The following GPR39 variants were observed in gnomAD, a reference collection of about 807,000 sequenced individuals.
The protein encoded by GPR39 is G protein-coupled receptor 39, also known as zinc sensing receptor.
A neutral mutation model predicts 18.4 loss-of-function variants in GPR39; 23 were observed. The observed-to-expected ratio is 1.25, with a 90% confidence interval of 0.90 to 1.77. The LOEUF (loss-of-function observed/expected upper bound fraction) is 1.77, where lower values mean the gene tolerates loss of function less well. GPR39 is among the 40% of genes most tolerant of loss of function. The pLI is 0.00. For missense variants in GPR39, 647 were observed against 602.4 expected (o/e 1.07, Z -0.78); for synonymous variants, 280 against 257.9 (o/e 1.09, Z -0.82).
At chr2:132,622,394 A>AAAAAC (rs1257823784) in intron 1 of GPR39, among the ~76,000 whole-genome samples, 4 of 152,204 alleles carry the variant, frequency 2.6e-5, no homozygotes, top group South Asian at 2.1e-4. Context: ...ACTCCCTCTC[A>AAAAAC]AAAACAAAAC....
At chr2:132,520,338 A>G (rs1057271744) in intron 1 of GPR39, among the ~76,000 whole-genome samples, 2 of 152,196 alleles carry the variant, frequency 1.3e-5, no homozygotes, top group African/African-American at 2.4e-5. Context: ...CCATCTGCAT[A>G]ACACCTTGCC....
At chr2:132,449,536 C>T (rs559523934) in intron 1 of GPR39, among the ~76,000 whole-genome samples, 13 of 152,268 alleles carry the variant, frequency 8.5e-5, no homozygotes, top group African/African-American at 3.1e-4. Context: ...CATGAGCCAC[C>T]GTGCCTGGCC....
rs146579432 is a variant in GPR39, at chr2:132,502,710, C to T, written c.856+84812C>T. 8.8e-3 allele frequency among the ~76,000 whole-genome samples: 1,337 copies of T among 152,236 alleles called. 21 individuals are homozygous for T. Among genetic ancestry groups the T allele is most frequent in the African/African-American group, 0.031 (1,298 of 41,534 alleles). ...TTCTTCTTTGGGAACACCAATTATT[C>T]TTAGGTTTGGACATTTAACATAGTC... On this transcript the variant is annotated intron_variant, in intron 1 of 1. Coordinates refer to ENST00000329321, the MANE Select transcript of GPR39 (RefSeq NM_001508.3).
chr2:132,609,331 G>A (rs887669752), intron 1 of GPR39, among the ~76,000 whole-genome samples: 9 of 152,172 alleles, frequency 5.9e-5, no homozygotes, highest in African/African-American at 1.9e-4. Context: ...CTTGCTCCGT[G>A]CCAGGTATTG....
intron 1 of GPR39, among the ~76,000 whole-genome samples, chr2:132,462,041 A>G (rs1406866724): frequency 1.3e-5 from 2 of 152,160 alleles, no homozygotes; most frequent in African/African-American, 2.4e-5. Flanking sequence ...TTATAAATTC[A>G]TCTCCATGAC....
intron 1 of GPR39, among the ~76,000 whole-genome samples, chr2:132,524,896 T>C (rs1679482881): frequency 6.6e-6 from 1 of 152,196 alleles, no homozygotes. Flanking sequence ...TTCCCCTCCT[T>C]GAATTCACGC....
At chr2:132,445,035 A>G (rs1427961320) in intron 1 of GPR39, among the ~76,000 whole-genome samples, 1 of 152,176 alleles carries the variant, frequency 6.6e-6, no homozygotes. Context: ...CCGCCCATCC[A>G]TTCCCTTTAT....
chr2:132,599,285 A>T (rs555530195), intron 1 of GPR39, among the ~76,000 whole-genome samples: 5 of 152,212 alleles, frequency 3.3e-5, no homozygotes, highest in Admixed American at 3.3e-4. Context: ...TGTCTTTCAT[A>T]TTTCAAAGAT....
At position 132,417,915 on chromosome 2, in the gene GPR39, G is replaced by A. The variant is rs763559371; in HGVS notation, c.856+17G>A. 7.1e-6 allele frequency: 11 copies of A among 1,557,500 alleles called. No individual in the cohort carries two copies. The highest frequency in any genetic ancestry group is 9.5e-6 in the Non-Finnish European group (11 of 1,154,098). On this transcript the variant is annotated intron_variant, in intron 1 of 1. Coordinates refer to ENST00000329321, the MANE Select transcript of GPR39 (RefSeq NM_001508.3). ...TCTTCCTGAGTGAGTCCTAAGTCGG[G>A]GGCAACACGTGAGCAGCTTCCCAAC...
intron 1 of GPR39, among the ~76,000 whole-genome samples, chr2:132,546,544 A>G (rs1295174514): frequency 6.6e-6 from 1 of 152,132 alleles, no homozygotes; most frequent in Non-Finnish European, 1.5e-5. Context: ...TAAGTTGCCT[A>G]AGAGAAGGGG....
Position 132,596,445 on chromosome 2 carries a change from T to C in GPR39, c.857-48656T>C, listed in dbSNP as rs188989915. On this transcript the variant is annotated intron_variant, in intron 1 of 1. Transcript: ENST00000329321. ...TGGATCTATTCTGAGTTTACTTGCT[T>C]TCTCTTTGTTTTTGTGCCCTTATCT... Among the ~76,000 whole-genome samples, 538 of 152,232 alleles carry C rather than the reference T, an allele frequency of 3.5e-3. 4 individuals carry two copies. Among genetic ancestry groups the C allele is most frequent in the African/African-American group, 0.012 (518 of 41,528 alleles).
At chr2:132,579,256 T>C (rs1170321034) in intron 1 of GPR39, among the ~76,000 whole-genome samples, 2 of 152,066 alleles carry the variant, frequency 1.3e-5, no homozygotes. Flanking sequence ...TGTTGCTTAG[T>C]TTCCAAGTGT....
intron 1 of GPR39, among the ~76,000 whole-genome samples, chr2:132,493,204 C>A (rs926223104): frequency 7.2e-6 from 1 of 139,210 alleles, no homozygotes; most frequent in Non-Finnish European, 1.5e-5. Context: ...ACCATATATA[C>A]ACCATATATG....
intron 1 of GPR39, among the ~76,000 whole-genome samples, chr2:132,564,803 C>CTTTTTTATTTTT: frequency 1.1e-5 from 1 of 91,722 alleles, no homozygotes; most frequent in Admixed American, 1.1e-4. Context: ...CTATTTTTTT[C>CTTTTTTATTTTT]TTTTTTCTTT....
At chr2:132,529,465 C>T (rs1414505433) in intron 1 of GPR39, among the ~76,000 whole-genome samples, 1 of 152,248 alleles carries the variant, frequency 6.6e-6, no homozygotes, top group Non-Finnish European at 1.5e-5. Flanking sequence ...GTAACCTCTG[C>T]AGACTTAAAT....
intron 1 of GPR39, among the ~76,000 whole-genome samples, chr2:132,492,839 C>CAT (rs1681519213): frequency 1.5e-5 from 2 of 136,652 alleles, no homozygotes; most frequent in East Asian, 4.4e-4. Context: ...ATATACACAC[C>CAT]ATATATACAC....
At chr2:132,445,735 C>G (rs1057427171) in intron 1 of GPR39, among the ~76,000 whole-genome samples, 3 of 152,164 alleles carry the variant, frequency 2.0e-5, no homozygotes, top group Non-Finnish European at 4.4e-5. Context: ...AAATGTAGCT[C>G]TCCAATACAA....
At chr2:132,427,246 G>A (rs538744207) in intron 1 of GPR39, among the ~76,000 whole-genome samples, 1 of 145,662 alleles carries the variant, frequency 6.9e-6, no homozygotes, top group Admixed American at 6.9e-5. Flanking sequence ...CTCACTGCAA[G>A]CTCTGCCTCC....
chr2:132,468,429 G>A (rs1258065348), intron 1 of GPR39, among the ~76,000 whole-genome samples: 2 of 152,212 alleles, frequency 1.3e-5, no homozygotes, highest in African/African-American at 4.8e-5. Flanking sequence ...TATGGAAGTG[G>A]CAGGGTGGGA....
Sources: allele counts gnomAD v4.1 joint callset (sites outside exome capture counted in the v4.1 genomes callset), GRCh38; gene constraint gnomAD v4.1.1; transcripts MANE v1.5; gene names NCBI Gene and HGNC (gene_info 2026-07-23, HGNC 2026-07-21).